PCDHA6: variants seen among roughly 807,000 people sequenced by gnomAD.
The protein encoded by PCDHA6 is protocadherin alpha-6.
PCDHA6 carries 55 observed loss-of-function variants against 60.3 expected under a neutral mutation model. The ratio of observed to expected loss-of-function variants is 0.91; its 90% CI spans 0.73 to 1.14. PCDHA6 has a LOEUF of 1.14. Among genes scored for constraint, PCDHA6 ranks in the 50% most tolerant of loss-of-function variants. The probability of loss-of-function intolerance (pLI) is 0.00; values close to 1 mark genes in which losing one functional copy is unlikely to be tolerated. For missense variants in PCDHA6, 1,327 were observed against 1,256.5 expected (o/e 1.06, Z -0.85); for synonymous variants, 652 against 557.9 (o/e 1.17, Z -2.38).
intron 3 of PCDHA6, among the ~76,000 whole-genome samples, chr5:140,997,328 G>A (rs76646758): frequency 0.013 from 1,948 of 152,070 alleles, 47 homozygotes; most frequent in African/African-American, 0.045. Flanking sequence ...CAGTTTTTTC[G>A]TTGTACAAAT....
chr5:140,978,791 A>T (rs1443899144), intron 1 of PCDHA6, 158 bp from the exon 2 acceptor site: 1 of 976,042 alleles, frequency 1.0e-6, no homozygotes, highest in South Asian at 4.7e-5. Flanking sequence ...AAAGTGCTAT[A>T]TATGTAGATA....
chr5:140,874,485 T>C (rs1235889322), intron 1 of PCDHA6, among the ~76,000 whole-genome samples: 1 of 152,218 alleles, frequency 6.6e-6, no homozygotes, highest in Non-Finnish European at 1.5e-5. Flanking sequence ...AAGCAAAAGG[T>C]TGATATCAAG....
chr5:140,924,901 A>AAAAAAT (rs369245222), intron 1 of PCDHA6, among the ~76,000 whole-genome samples: 13 of 80,502 alleles, frequency 1.6e-4, no homozygotes, highest in East Asian at 1.6e-3. Flanking sequence ...TCTCAAAAAA[A>AAAAAAT]AAAATAAAAT....
intron 1 of PCDHA6, among the ~76,000 whole-genome samples, chr5:140,878,662 C>G (rs1479409326): frequency 6.6e-6 from 1 of 152,194 alleles, no homozygotes; most frequent in African/African-American, 2.4e-5. Context: ...CCAGAGGCTT[C>G]TCTTTAACCA....
chr5:141,000,292 T>C (rs2097899521), intron 3 of PCDHA6, among the ~76,000 whole-genome samples: 1 of 149,730 alleles, frequency 6.7e-6, no homozygotes, highest in Non-Finnish European at 1.5e-5. Flanking sequence ...GGAATATTGC[T>C]TGAGGCCAGG....
chr5:140,840,029 G>A (rs916611667), intron 1 of PCDHA6, among the ~76,000 whole-genome samples: 1 of 152,050 alleles, frequency 6.6e-6, no homozygotes, highest in African/African-American at 2.4e-5. Flanking sequence ...GTCACGTAGC[G>A]TATCTCCCAG....
intron 3 of PCDHA6, among the ~76,000 whole-genome samples, chr5:140,996,287 A>C (rs1200123512): frequency 2.0e-5 from 3 of 152,258 alleles, no homozygotes; most frequent in African/African-American, 4.8e-5. Context: ...AAATTTCAAG[A>C]AGCACAGATT....
intron 1 of PCDHA6, among the ~76,000 whole-genome samples, chr5:140,951,653 C>T (rs2094610729): frequency 6.6e-6 from 1 of 152,176 alleles, no homozygotes; most frequent in South Asian, 2.1e-4. Context: ...TCACCTCCCA[C>T]CAGGGCCTGC....
chr5:140,868,706 CAA>C (rs1562618527), intron 1 of PCDHA6: 1 of 185,252 alleles, frequency 5.4e-6, no homozygotes, highest in Non-Finnish European at 1.1e-5. Flanking sequence ...AACATAGACA[CAA>C]TAATTTAAAT....
At chr5:140,986,530 G>C (rs1341824536) in intron 3 of PCDHA6, among the ~76,000 whole-genome samples, 1 of 152,162 alleles carries the variant, frequency 6.6e-6, no homozygotes, top group African/African-American at 2.4e-5. Context: ...GAGGGAACTG[G>C]CCTGGCTTCA....
At chr5:140,838,888 C>A (rs1414271467) in intron 1 of PCDHA6, among the ~76,000 whole-genome samples, 1 of 151,692 alleles carries the variant, frequency 6.6e-6, no homozygotes, top group Non-Finnish European at 1.5e-5. Context: ...GAACTCCAGC[C>A]TAGGTGACAG....
intron 1 of PCDHA6, among the ~76,000 whole-genome samples, chr5:140,872,587 A>AC (rs777810037): frequency 6.0e-4 from 91 of 152,014 alleles, no homozygotes; most frequent in Middle Eastern, 3.4e-3. Flanking sequence ...TCATCGTGAG[A>AC]CCCCCATCTG....
chr5:140,861,502 T>A, intron 1 of PCDHA6: 1 of 482,002 alleles, frequency 2.1e-6, no homozygotes. Context: ...CTGATAGACC[T>A]CGAGGAGCTG....
At chr5:141,001,097 T>TC (rs1554257999) in intron 3 of PCDHA6, among the ~76,000 whole-genome samples, 1 of 152,114 alleles carries the variant, frequency 6.6e-6, no homozygotes, top group Non-Finnish European at 1.5e-5. Flanking sequence ...AACTGTCTAA[T>TC]CCATAATAAG....
intron 1 of PCDHA6, among the ~76,000 whole-genome samples, chr5:140,901,201 G>A (rs2068505084): frequency 6.6e-6 from 1 of 152,038 alleles, no homozygotes; most frequent in Admixed American, 6.6e-5. Context: ...CTGTGCAGAA[G>A]GTTTTTAAGT....
chr5:140,910,058 T>A (rs571957156), intron 1 of PCDHA6, among the ~76,000 whole-genome samples: 5 of 152,344 alleles, frequency 3.3e-5, no homozygotes, highest in African/African-American at 9.6e-5. Flanking sequence ...TAAGTGATCT[T>A]TTAACAGCGT....
intron 1 of PCDHA6, among the ~76,000 whole-genome samples, chr5:140,945,368 C>T (rs980832309): frequency 1.3e-5 from 2 of 151,844 alleles, no homozygotes; most frequent in African/African-American, 4.8e-5. Flanking sequence ...TTAAAATGTC[C>T]ATATTACCCA....
chr5:140,968,866 A>C, intron 1 of PCDHA6: 1 of 1,614,230 alleles, frequency 6.2e-7, no homozygotes, highest in Non-Finnish European at 8.5e-7. Context: ...GCCCTCGGAC[A>C]TACTCTGAAA....
chr5:140,969,700 A>G (rs2096354004), intron 1 of PCDHA6, among the ~76,000 whole-genome samples: 1 of 152,178 alleles, frequency 6.6e-6, no homozygotes. Context: ...CCTCTGCTGT[A>G]TCATCTACAG....
Sources: gnomAD v4.1 joint callset for allele counts (sites outside exome capture counted in the v4.1 genomes callset) on GRCh38, gnomAD v4.1.1 for gene constraint, MANE v1.5 for transcripts, NCBI Gene and HGNC (gene_info 2026-07-23, HGNC 2026-07-21) for gene names.